The following ITPKB variants were observed in gnomAD, a reference collection of about 807,000 sequenced individuals.
The protein encoded by ITPKB is IP3 3-kinase B.
ITPKB carries 13 observed loss-of-function variants against 69.4 expected under a neutral mutation model. That is an observed-to-expected ratio of 0.19 (90% CI 0.12 to 0.30). The LOEUF is 0.30. Ranked by LOEUF, ITPKB falls within the 10% of genes least tolerant of loss-of-function variation. The pLI is 1.00. For synonymous variants in ITPKB, 584 were observed against 513.7 expected (o/e 1.14, Z -1.85); for missense variants, 1,240 against 1,250.5 (o/e 0.99, Z 0.13).
intron 2 of ITPKB, among the ~76,000 whole-genome samples, chr1:226,703,164 A>C (rs1656708980): frequency 6.6e-6 from 1 of 152,152 alleles, no homozygotes. Flanking sequence ...GAGTGGGTGA[A>C]GGAAAAAAAA....
chr1:226,727,122 G>A (rs1276420830), intron 2 of ITPKB, among the ~76,000 whole-genome samples: 1 of 152,128 alleles, frequency 6.6e-6, no homozygotes, highest in Non-Finnish European at 1.5e-5. Flanking sequence ...ATATTATGAG[G>A]TATATTTTAT....
Position 226,641,267 on chromosome 1 carries a change from G to A in ITPKB, c.2451+654C>T, listed in dbSNP as rs1668955320. On this transcript the variant is annotated intron_variant, in intron 5 of 7. Coordinates refer to ENST00000429204, the MANE Select transcript of ITPKB (RefSeq NM_002221.4). The surrounding 1 kb of genome is among the most constrained non-coding windows in gnomAD (Gnocchi z 4.6). The stretch of plus-strand genomic sequence containing the variant: ...GGAAGCTTCTGTGTGCCCATAGCCA[G>A]AGCTAAGAACTTTCCTGCCAGATAC... 6.6e-6 allele frequency among the ~76,000 whole-genome samples: 1 copy of A among 152,204 alleles called. No individual in the cohort carries two copies. Among genetic ancestry groups the A allele is most frequent in the Non-Finnish European group, 1.5e-5 (1 of 68,036 alleles).
intron 2 of ITPKB, among the ~76,000 whole-genome samples, chr1:226,666,868 A>G (rs1394871924): frequency 6.6e-6 from 1 of 152,120 alleles, no homozygotes; most frequent in Non-Finnish European, 1.5e-5. Flanking sequence ...ACCACAGACC[A>G]CACATGGACT....
chr1:226,722,958 A>G (rs995087697), intron 2 of ITPKB, among the ~76,000 whole-genome samples: 2 of 151,800 alleles, frequency 1.3e-5, no homozygotes, highest in Non-Finnish European at 2.9e-5. Flanking sequence ...CACCCATTAC[A>G]GCTGAAAGGA....
Position 226,647,340 on chromosome 1 carries a change from C to T in ITPKB, c.2073G>A (p.Lys691=). The T allele has an allele frequency of 6.2e-7, 1 of 1,614,162 alleles. No individual in the cohort carries two copies. The highest frequency in any genetic ancestry group is 8.5e-7 in the Non-Finnish European group (1 of 1,180,010). ...KAAANGRILK[K]HCESEQRCLD... is the part of the protein sequence containing the mutation. ...GGCAGCGCTGCTCTGACTCACAGTG[C>T]TTCTTCAGGATCCTGCCATTGGCAG... Residue 691 remains lysine (K), a synonymous_variant, in exon 4 of 8, where the codon AAG becomes AAA. Transcript: ENST00000429204.
At chr1:226,648,351 C>A (rs897518339) in intron 3 of ITPKB, among the ~76,000 whole-genome samples, 2 of 152,168 alleles carry the variant, frequency 1.3e-5, no homozygotes, top group Admixed American at 6.5e-5. Context: ...AGACTGATGG[C>A]TTCATCTGTC....
At position 226,641,824 on chromosome 1, in the gene ITPKB, G is replaced by T; in HGVS notation, c.2451+97C>A. 1 of 1,136,424 alleles carries T rather than the reference G, an allele frequency of 8.8e-7. No individual in the cohort carries two copies. Among genetic ancestry groups the T allele is most frequent in the Non-Finnish European group, 1.3e-6 (1 of 789,658 alleles). 70.4% of individuals were successfully genotyped at this position (1,136,424 alleles called of 1,614,324 possible). A position where few individuals can be genotyped will look rare whatever the true frequency, so the allele number is the denominator to read the frequency against. ...CCACCCACATTCTGAGCCTGTGCCT[G>T]GAGAAGCTTACAGCTTCCAAAGGGC... On this transcript the variant is annotated intron_variant, in intron 5 of 7. Transcript: ENST00000429204. This position sits in a 1 kb window ranked among gnomAD's most constrained non-coding sequence, Gnocchi z 4.6.
In ITPKB at chr1:226,735,679, G is replaced by A; in HGVS notation, c.1780C>T (p.Pro594Ser). The A allele has an allele frequency of 6.2e-7, 1 of 1,607,724 alleles. No individual in the cohort carries two copies. The highest frequency in any genetic ancestry group is 8.5e-7 in the Non-Finnish European group (1 of 1,176,562). The stretch of plus-strand genomic sequence containing the variant: ...GAGGAAGAGGACAGTTTCCTCAGGG[G>A]CAGGTTGCCCCGAGGGCTTCCCTGC... ...ETQGSPRGNL[P>S]LRKLSSSSAS... Residue 594 changes from proline (P) to serine (S), a missense_variant, in exon 2 of 8, where the codon CCC becomes TCC. By Grantham distance (74) the Pro-to-Ser change is moderately conservative. Around this residue, in one of 2 missense-constraint regions of ITPKB, gnomAD observed 992 missense variants for 853.8 expected, o/e 1.16. Transcript: ENST00000429204.
intron 2 of ITPKB, among the ~76,000 whole-genome samples, chr1:226,660,157 G>A (rs534866284): frequency 1.3e-5 from 2 of 152,326 alleles, no homozygotes; most frequent in South Asian, 4.1e-4. Flanking sequence ...GGTTTGGAGG[G>A]CAACCTTTCA....
intron 2 of ITPKB, among the ~76,000 whole-genome samples, chr1:226,657,460 T>C (rs1440062654): frequency 6.6e-6 from 1 of 152,234 alleles, no homozygotes; most frequent in Non-Finnish European, 1.5e-5. Flanking sequence ...TATCTTTAGA[T>C]AATCGTAAAG....
At chr1:226,646,885 G>A (rs1285916615) in intron 4 of ITPKB, among the ~76,000 whole-genome samples, 1 of 152,188 alleles carries the variant, frequency 6.6e-6, no homozygotes, top group East Asian at 1.9e-4. Flanking sequence ...TTCTCTCTAG[G>A]GGGCCTCAGA....
intron 2 of ITPKB, among the ~76,000 whole-genome samples, chr1:226,681,626 C>T (rs2082575024): frequency 6.6e-6 from 1 of 152,148 alleles, no homozygotes; most frequent in Admixed American, 6.5e-5. Context: ...TAAATATAAA[C>T]ATTTTCTTTT....
At chr1:226,649,309 G>A (rs1366546074) in intron 2 of ITPKB, among the ~76,000 whole-genome samples, 2 of 148,700 alleles carry the variant, frequency 1.3e-5, no homozygotes, top group Non-Finnish European at 2.9e-5. Flanking sequence ...GCATGTGTGT[G>A]TGCATATGTG....
chr1:226,721,827 TC>T (rs1657252797), intron 2 of ITPKB, among the ~76,000 whole-genome samples: 1 of 150,652 alleles, frequency 6.6e-6, no homozygotes, highest in Non-Finnish European at 1.5e-5. Flanking sequence ...TTTTTTTTTT[TC>T]TTGAGATGGA....
At chr1:226,667,865 T>C (rs866256601) in intron 2 of ITPKB, among the ~76,000 whole-genome samples, 35 of 142,684 alleles carry the variant, frequency 2.5e-4, no homozygotes, top group Middle Eastern at 3.8e-3. Flanking sequence ...CGCGCGCGCG[T>C]GCGAAGTGGA....
chr1:226,732,456 T>G (rs1657618013), intron 2 of ITPKB, among the ~76,000 whole-genome samples: 1 of 152,166 alleles, frequency 6.6e-6, no homozygotes, highest in African/African-American at 2.4e-5. Flanking sequence ...CAGGCTGGTT[T>G]TGAACTCCTG....
chr1:226,692,645 T>A (rs1656384853), intron 2 of ITPKB, among the ~76,000 whole-genome samples: 1 of 152,190 alleles, frequency 6.6e-6, no homozygotes, highest in African/African-American at 2.4e-5. Context: ...ATAAGTGTGC[T>A]GGCTATTTCT....
chr1:226,685,921 A>G (rs988029261), intron 2 of ITPKB, among the ~76,000 whole-genome samples: 2 of 152,122 alleles, frequency 1.3e-5, no homozygotes, highest in African/African-American at 4.8e-5. Flanking sequence ...TGAGCCAATG[A>G]ATGTGATGCA....
intron 2 of ITPKB, among the ~76,000 whole-genome samples, chr1:226,727,189 A>G (rs752968842): frequency 2.1e-4 from 32 of 152,366 alleles, no homozygotes; most frequent in Non-Finnish European, 4.6e-4. Context: ...TATAAAAAGC[A>G]TTATACCTCA....
Sources: gnomAD v4.1 joint callset for allele counts (sites outside exome capture counted in the v4.1 genomes callset) on GRCh38, gnomAD v4.1.1 for gene constraint, gnomAD v4.1.1 regional missense constraint, Gnocchi (gnomAD v3.1) non-coding constraint, MANE v1.5 for transcripts, NCBI Gene and HGNC (gene_info 2026-07-23, HGNC 2026-07-21) for gene names.